Variants in TRIM69 observed in about 807,000 individuals in gnomAD.
TRIM69 encodes the protein E3 ubiquitin-protein ligase TRIM69.
In TRIM69, 29 loss-of-function variants were observed where a neutral mutation model predicts 37.7. The observed-to-expected ratio is 0.77, with a 90% CI of 0.57 to 1.05. The LOEUF is 1.05. TRIM69 is among the 50% of genes least tolerant of loss of function. The probability of loss-of-function intolerance (pLI) is 0.00; values close to 1 mark genes in which losing one functional copy is unlikely to be tolerated. For missense variants in TRIM69, 596 were observed against 579.9 expected (o/e 1.03, Z -0.28); for synonymous variants, 209 against 212.4 (o/e 0.98, Z 0.14).
intron 6 of TRIM69, among the ~76,000 whole-genome samples, chr15:44,761,158 T>C (rs922464057): frequency 6.6e-6 from 1 of 152,224 alleles, no homozygotes; most frequent in East Asian, 1.9e-4. Flanking sequence ...GACCTCGTGA[T>C]CTGCCCGCCT....
chr15:44,751,001 G>C (rs532873977), intron 1 of TRIM69, among the ~76,000 whole-genome samples: 3 of 129,828 alleles, frequency 2.3e-5, no homozygotes, highest in Non-Finnish European at 4.7e-5. Flanking sequence ...TGCTGCCCAG[G>C]CTACAGTGCA....
intron 1 of TRIM69, among the ~76,000 whole-genome samples, chr15:44,745,291 T>C (rs138160716): frequency 0.017 from 2,597 of 152,244 alleles, 39 homozygotes; most frequent in Non-Finnish European, 0.027. Context: ...TGTTGAACTA[T>C]TAGATGACTA....
intron 1 of TRIM69, chr15:44,754,272 G>A (rs1901535): frequency 0.76 from 115,218 of 151,916 alleles, 44,843 homozygotes; most frequent in Middle Eastern, 0.84. Context: ...GATTACAGGC[G>A]CCTGCCACCA....
intron 1 of TRIM69, among the ~76,000 whole-genome samples, chr15:44,743,564 A>T (rs561671434): frequency 6.6e-6 from 1 of 152,202 alleles, no homozygotes; most frequent in Non-Finnish European, 1.5e-5. Context: ...CAACCTACTC[A>T]TCTGACAAAG....
chr15:44,759,905 G>A (rs1302077444), intron 6 of TRIM69, 33 bp downstream of exon 6: 3 of 1,590,808 alleles, frequency 1.9e-6, no homozygotes, highest in African/African-American at 2.7e-5. Flanking sequence ...GGTTCTTGAG[G>A]CTCCTAATCT....
chr15:44,746,842 G>T (rs2087419954), intron 1 of TRIM69, among the ~76,000 whole-genome samples: 1 of 152,072 alleles, frequency 6.6e-6, no homozygotes, highest in African/African-American at 2.4e-5. Flanking sequence ...GTTTTTAAAT[G>T]GTGGATTAAA....
intron 1 of TRIM69, among the ~76,000 whole-genome samples, chr15:44,749,648 C>T (rs1047983448): frequency 1.3e-5 from 2 of 152,126 alleles, no homozygotes; most frequent in African/African-American, 4.8e-5. Flanking sequence ...ATTTGGATTG[C>T]TTCCACCTGT....
In TRIM69 at chr15:44,767,628, G is replaced by A. The variant is rs2087930249; in HGVS notation, c.1359G>A (p.Gln453=). ...TATACCTGGATTATGAAGGAGGACAGTTGTCCTTCTACAATGCTAAAACCA... is the reference window on the plus strand; with the variant it reads ...TATACCTGGATTATGAAGGAGGACAATTGTCCTTCTACAATGCTAAAACCA... The part of the protein sequence containing the change: ...VGIYLDYEGG[Q]LSFYNAKTMT... Residue 453 remains glutamine, a synonymous_variant, in exon 7 of 7, where the codon CAG becomes CAA. Transcript: ENST00000329464. 1.2e-6 allele frequency: 2 copies of A among 1,614,160 alleles called. No homozygotes were observed. The highest frequency in any genetic ancestry group is 1.7e-6 in the Non-Finnish European group (2 of 1,180,026).
intron 3 of TRIM69, 171 bp downstream of exon 3, chr15:44,756,634 T>A (rs2087654981): frequency 2.1e-5 from 11 of 533,358 alleles, no homozygotes; most frequent in Non-Finnish European, 3.0e-5. Flanking sequence ...GGTGGTGGAG[T>A]AGGTTCCTAA....
In TRIM69 at chr15:44,738,050, C is replaced by CTTTTTTTTTTTTTTTT. The variant is rs772041054; in HGVS notation, c.6+1343_6+1344insTTTTTTTTTTTTTTTT. ...AAGGAGGAAGATACATACTTTCTTT[C>CTTTTTTTTTTTTTTTT]TTTCTTTTTTTTTTTTTTTTTTTTT... is the stretch of plus-strand genomic sequence containing the variant. On this transcript the variant is annotated intron_variant, in intron 1 of 6. Transcript: ENST00000329464. 7.6e-5 allele frequency among the ~76,000 whole-genome samples: 9 copies of CTTTTTTTTTTTTTTTT among 118,004 alleles called. 1 individual carries two copies. Among genetic ancestry groups the CTTTTTTTTTTTTTTTT allele is most frequent in the African/African-American group, 2.7e-4 (8 of 30,112 alleles). 77.4% of individuals were successfully genotyped at this position (118,004 alleles called of 152,430 possible).
intron 6 of TRIM69, among the ~76,000 whole-genome samples, chr15:44,765,784 CAAA>C (rs752946155): frequency 3.6e-5 from 5 of 138,984 alleles, no homozygotes; most frequent in African/African-American, 1.4e-4. Context: ...AACAAACAAA[CAAA>C]AAAAAAACAG....
At position 44,767,739 on chromosome 15, in the gene TRIM69, T is replaced by G; in HGVS notation, c.1470T>G (p.Asn490Lys). ...FCPCLNDGGE[N>K]KEPLHILHPQ Reference sequence around the variant, plus strand: ...CCTGCCTTAATGATGGTGGAGAGAATAAAGAACCATTGCACATCTTACATC... The same window carrying G: ...CCTGCCTTAATGATGGTGGAGAGAAGAAAGAACCATTGCACATCTTACATC... The change falls in exon 7 of 7, where the codon AAT (asparagine) becomes AAG (lysine). Residue 490 changes from asparagine to lysine, a missense_variant. Transcript: ENST00000329464. The G allele has an allele frequency of 6.2e-7, 1 of 1,613,426 alleles. No individual in the cohort carries two copies.
Position 44,767,645 on chromosome 15 carries a change from C to T in TRIM69, c.1376C>T (p.Ala459Val), listed in dbSNP as rs1362577388. The T allele has an allele frequency of 6.2e-7, 1 of 1,614,168 alleles. No homozygotes were observed. Among genetic ancestry groups the T allele is most frequent in the South Asian group, 1.1e-5 (1 of 91,090 alleles). Residue 459 changes from alanine (A) to valine (V), a missense_variant, in exon 7 of 7, where the codon GCT (alanine) becomes GTT (valine). Physicochemically the swap from Ala to Val is moderately conservative, Grantham distance 64 (BLOSUM62 0). Coordinates refer to ENST00000329464, the MANE Select transcript of TRIM69 (RefSeq NM_182985.5). ...YEGGQLSFYN[A>V]KTMTHIYTFS... is the part of the protein sequence containing the mutation. ...GGAGGACAGTTGTCCTTCTACAATG[C>T]TAAAACCATGACTCACATTTACACC...
At chr15:44,758,945 C>A in intron 4 of TRIM69, 91 bp downstream of exon 4, 1 of 1,444,524 alleles carries the variant, frequency 6.9e-7, no homozygotes, top group Non-Finnish European at 9.3e-7. Flanking sequence ...TTTTCACATC[C>A]AGGGAAAACA....
At chr15:44,754,315 T>C (rs1566895234) in intron 1 of TRIM69, 1 of 152,008 alleles carries the variant, frequency 6.6e-6, no homozygotes, top group South Asian at 2.1e-4. Flanking sequence ...TTAGTAGAGA[T>C]TTTTAGTAGA....
rs757620967 is a variant in TRIM69 at position 44,767,684 on chromosome 15, T to C, written c.1415T>C (p.Phe472Ser). The change falls in exon 7 of 7, where the codon TTC becomes TCC. Residue 472 changes from phenylalanine (F) to serine (S), a missense_variant. By Grantham distance (155) the Phe-to-Ser change is radical. Transcript: ENST00000329464. ...MTHIYTFSNT[F>S]MEKLYPYFCP... is the part of the protein sequence containing the mutation. Reference sequence around the variant, plus strand: ...CACATTTACACCTTCAGTAACACTTTCATGGAGAAACTTTATCCCTACTTC... The same window carrying C: ...CACATTTACACCTTCAGTAACACTTCCATGGAGAAACTTTATCCCTACTTC... 6 of 1,614,180 alleles carry C rather than the reference T, an allele frequency of 3.7e-6. No homozygotes were observed. The highest frequency in any genetic ancestry group is 4.2e-6 in the Non-Finnish European group (5 of 1,180,034).
chr15:44,743,629 C>T (rs530031708), intron 1 of TRIM69, among the ~76,000 whole-genome samples: 1 of 152,022 alleles, frequency 6.6e-6, no homozygotes, highest in East Asian at 1.9e-4. Flanking sequence ...AAAAAAACAA[C>T]CCCATCAAAA....
chr15:44,746,081 A>C (rs1294729095), intron 1 of TRIM69, among the ~76,000 whole-genome samples: 2 of 144,532 alleles, frequency 1.4e-5, no homozygotes, highest in Non-Finnish European at 3.1e-5. Flanking sequence ...AGTTATAATT[A>C]AACTATTAAA....
Position 44,736,602 on chromosome 15 carries a change from C to A in TRIM69, c.-103C>A. 1 of 1,417,872 alleles carries A rather than the reference C, an allele frequency of 7.1e-7. No homozygotes were observed. 87.8% of individuals were successfully genotyped at this position (1,417,872 alleles called of 1,614,324 possible). A position where few individuals can be genotyped will look rare whatever the true frequency, so the allele number is the denominator to read the frequency against. On this transcript the variant is annotated 5_prime_UTR_variant, in exon 1 of 7. Transcript: ENST00000329464. ...TCTTCCATCATGCTCTGAGCCCATT[C>A]CTTGAAAACTAAAAGGTCCCTGACT...
Sources: gnomAD v4.1 joint callset for allele counts (sites outside exome capture counted in the v4.1 genomes callset) on GRCh38, gnomAD v4.1.1 for gene constraint, MANE v1.5 for transcripts, NCBI Gene and HGNC (gene_info 2026-07-23, HGNC 2026-07-21) for gene names.